Variants in LRP1B observed in about 807,000 individuals in gnomAD.
LRP1B encodes the protein LDL receptor related protein 1B.
LRP1B carries 217 observed loss-of-function variants against 556.6 expected under a neutral mutation model. The observed-to-expected ratio is 0.39, with a 90% confidence interval of 0.35 to 0.44. LRP1B has a LOEUF of 0.44. Among genes scored for constraint, LRP1B ranks in the 20% least tolerant of loss-of-function variants. The pLI is 1.00. For missense variants in LRP1B, 5,053 were observed against 5,620.8 expected (o/e 0.90, Z 3.23); for synonymous variants, 2,047 against 1,865.8 (o/e 1.10, Z -2.50).
chr2:141,753,263 C>CATAT lies in LRP1B; in HGVS notation c.205+57012_205+57015dup, dbSNP rs144027196. On this transcript the variant is annotated intron_variant, in intron 2 of 90. Coordinates refer to ENST00000389484, the MANE Select transcript of LRP1B (RefSeq NM_018557.3). ...AACACACACACTCTCTCTCTCTCTC[C>CATAT]ATATATATATATATATATATCCCAG... 1.5e-3 allele frequency among the ~76,000 whole-genome samples: 92 copies of CATAT among 62,534 alleles called. 12 individuals carry two copies. In the East Asian group the frequency reaches 0.028, roughly 19 times the overall value. 41.0% of individuals were successfully genotyped at this position (62,534 alleles called of 152,430 possible). A position where few individuals can be genotyped will look rare whatever the true frequency, so the allele number is the denominator to read the frequency against.
At chr2:140,392,735 T>C (rs1016149296) in intron 66 of LRP1B, among the ~76,000 whole-genome samples, 6 of 152,110 alleles carry the variant, frequency 3.9e-5, no homozygotes, top group Admixed American at 3.9e-4. Context: ...AGGATATAAA[T>C]TGTCTAAAGA....
chr2:141,869,377 A>C (rs1041659828), intron 1 of LRP1B, among the ~76,000 whole-genome samples: 2 of 151,876 alleles, frequency 1.3e-5, no homozygotes, highest in African/African-American at 4.8e-5. Flanking sequence ...TAAATATTCA[A>C]CTTCAGAATA....
At chr2:141,259,584 T>A (rs1684610820) in intron 3 of LRP1B, among the ~76,000 whole-genome samples, 1 of 152,180 alleles carries the variant, frequency 6.6e-6, no homozygotes, top group African/African-American at 2.4e-5. Flanking sequence ...CCCTTTGGGA[T>A]GGCACAAGCC....
intron 1 of LRP1B, among the ~76,000 whole-genome samples, chr2:142,025,432 A>G (rs1019585205): frequency 4.6e-5 from 7 of 152,178 alleles, no homozygotes; most frequent in Non-Finnish European, 1.0e-4. Flanking sequence ...CCATTTAGAA[A>G]TAAGGAGACT....
chr2:142,033,450 A>G (rs1703772664), intron 1 of LRP1B, among the ~76,000 whole-genome samples: 2 of 151,624 alleles, frequency 1.3e-5, no homozygotes, highest in African/African-American at 4.8e-5. Flanking sequence ...ACCTTTAGTA[A>G]AATACATCGT....
intron 2 of LRP1B, among the ~76,000 whole-genome samples, chr2:141,798,511 A>G (rs1473466514): frequency 6.6e-6 from 1 of 152,026 alleles, no homozygotes; most frequent in East Asian, 1.9e-4. Context: ...GATTGAGACC[A>G]TCCTGGCCAA....
intron 2 of LRP1B, among the ~76,000 whole-genome samples, chr2:141,714,316 A>G (rs1435986466): frequency 2.6e-5 from 4 of 152,194 alleles, no homozygotes; most frequent in Non-Finnish European, 5.9e-5. Context: ...GGATGTATCA[A>G]TGAATGCTAT....
intron 2 of LRP1B, among the ~76,000 whole-genome samples, chr2:141,670,566 G>A (rs940363593): frequency 1.3e-5 from 2 of 152,140 alleles, no homozygotes; most frequent in African/African-American, 2.4e-5. Context: ...TATGATGTAC[G>A]GAATGTTAAT....
intron 2 of LRP1B, among the ~76,000 whole-genome samples, chr2:141,485,146 C>A (rs1229183392): frequency 6.6e-6 from 1 of 152,052 alleles, no homozygotes; most frequent in East Asian, 1.9e-4. Flanking sequence ...AGAAATTAGT[C>A]TGGGAGAACT....
At chr2:140,739,584 T>A (rs1393304739) in intron 35 of LRP1B, among the ~76,000 whole-genome samples, 1 of 152,104 alleles carries the variant, frequency 6.6e-6, no homozygotes, top group Admixed American at 6.6e-5. Flanking sequence ...ACATACTGAG[T>A]TTCTTATCAT....
intron 1 of LRP1B, among the ~76,000 whole-genome samples, chr2:142,000,417 C>G (rs1278485950): frequency 6.6e-6 from 1 of 152,202 alleles, no homozygotes. Context: ...TAATTACAAT[C>G]ATTTCTTACA....
rs1688201595 is a variant in LRP1B, at chr2:141,345,211, T to C, written c.344-90570A>G. On this transcript the variant is annotated intron_variant, in intron 3 of 90. Transcript: ENST00000389484. ...AAGAAAATGGATTCCCCCTTAGACT[T>C]TCCACAAAGCAACACACCAATACTG... Among the ~76,000 whole-genome samples the C allele has an allele frequency of 4.0e-5, 6 of 151,562 alleles. No individual in the cohort carries two copies. In the South Asian group the frequency reaches 1.2e-3, roughly 31 times the overall value.
At chr2:141,955,765 C>T (rs75503060) in intron 1 of LRP1B, among the ~76,000 whole-genome samples, 70 of 152,246 alleles carry the variant, frequency 4.6e-4, no homozygotes, top group African/African-American at 1.6e-3. Context: ...ACCATAATTT[C>T]TTCTGGTTTC....
chr2:141,844,991 C>G (rs1039187046), intron 1 of LRP1B, among the ~76,000 whole-genome samples: 21 of 151,546 alleles, frequency 1.4e-4, no homozygotes, highest in Non-Finnish European at 2.4e-4. Flanking sequence ...GAACTTTTCT[C>G]TTGTCAAAAA....
Position 141,315,551 on chromosome 2 carries a change from G to A in LRP1B, c.344-60910C>T, listed in dbSNP as rs564598103. Among the ~76,000 whole-genome samples the A allele has an allele frequency of 3.9e-3, 591 of 151,706 alleles. 2 individuals are homozygous for A. Among genetic ancestry groups the A allele is most frequent in the Non-Finnish European group, 3.7e-3 (248 of 67,916 alleles). ...TGGGATTACAGGTGTGAGCCACCAC[G>A]CCCGGCCGAATGATTGTATTTTATA... On this transcript the variant is annotated intron_variant, in intron 3 of 90. Coordinates refer to ENST00000389484, the MANE Select transcript of LRP1B (RefSeq NM_018557.3).
chr2:141,480,781 A>G (rs1682891257), intron 2 of LRP1B, among the ~76,000 whole-genome samples: 1 of 152,206 alleles, frequency 6.6e-6, no homozygotes, highest in Non-Finnish European at 1.5e-5. Context: ...ATTCTTTTCA[A>G]CCATTAAAAT....
chr2:141,651,980 C>T (rs180917903), intron 2 of LRP1B, among the ~76,000 whole-genome samples: 114 of 152,142 alleles, frequency 7.5e-4, no homozygotes, highest in African/African-American at 2.7e-3. Flanking sequence ...AAATAATAGA[C>T]CAGCATTAAA....
At chr2:140,977,997 A>G (rs759209064) in intron 18 of LRP1B, among the ~76,000 whole-genome samples, 2 of 152,186 alleles carry the variant, frequency 1.3e-5, no homozygotes, top group African/African-American at 2.4e-5. Context: ...CACAAGGTCC[A>G]CTTTCAACAC....
At chr2:140,279,886 A>G (rs1192313516) in intron 84 of LRP1B, among the ~76,000 whole-genome samples, 1 of 151,900 alleles carries the variant, frequency 6.6e-6, no homozygotes, top group Admixed American at 6.6e-5. Context: ...AAAATACTTT[A>G]AAACCATTTT....
Sources: allele counts gnomAD v4.1 joint callset (sites outside exome capture counted in the v4.1 genomes callset), GRCh38; gene constraint gnomAD v4.1.1; transcripts MANE v1.5; gene names NCBI Gene and HGNC (gene_info 2026-07-23, HGNC 2026-07-21).